The following TYK2 variants were observed in gnomAD, a reference collection of about 807,000 sequenced individuals.
TYK2 encodes non-receptor tyrosine-protein kinase TYK2.
In TYK2, 65 loss-of-function variants were observed where a neutral mutation model predicts 130.9. The ratio of observed to expected loss-of-function variants is 0.50; its 90% CI spans 0.41 to 0.61. The LOEUF (loss-of-function observed/expected upper bound fraction) is 0.61. TYK2 is among the 20% of genes least tolerant of loss of function. The pLI, the probability that TYK2 is intolerant of heterozygous loss-of-function variation, is 0.00. For synonymous variants in TYK2, 647 were observed against 658.9 expected (o/e 0.98, Z 0.28); for missense variants, 1,378 against 1,610.7 (o/e 0.86, Z 2.47).
At chr19:10,373,487 C>T (rs1320198730) in intron 3 of TYK2, among the ~76,000 whole-genome samples, 3 of 151,914 alleles carry the variant, frequency 2.0e-5, no homozygotes, top group Non-Finnish European at 4.4e-5. Flanking sequence ...TGCGTCACCA[C>T]GCCCAGCTAA....
chr19:10,358,094 G>A lies in TYK2; in HGVS notation c.2220C>T (p.Ile740=). The change falls in exon 16 of 25, where the codon ATC becomes ATT. Residue 740 remains isoleucine, a synonymous_variant. Transcript: ENST00000525621. ...LVHGNVCGRN[I]LLARLGLAEG... The stretch of plus-strand genomic sequence containing the variant: ...CTGCCAACCCCAGCCGGGCCAGCAG[G>A]ATGTTCCGGCCACACACATTACCAT... 1 of 1,612,388 alleles carries A rather than the reference G, an allele frequency of 6.2e-7. No individual in the cohort carries two copies. The highest frequency in any genetic ancestry group is 1.1e-5 in the South Asian group (1 of 90,874).
chr19:10,362,032 TC>T, intron 12 of TYK2, 45 bp downstream of exon 12: 1 of 1,612,310 alleles, frequency 6.2e-7, no homozygotes, highest in Non-Finnish European at 8.5e-7. Flanking sequence ...AGCACCCACA[TC>T]CCCAGGGGCC....
Position 10,353,444 on chromosome 19 carries a change from G to A in TYK2, c.3027+84C>T. The stretch of plus-strand genomic sequence containing the variant: ...GCAAACGAGCAGGGGCGGAGCGTGA[G>A]AGCAGACTGCACCGGATCGCTCAGG... On this transcript the variant is annotated intron_variant, in intron 21 of 24. Coordinates refer to ENST00000525621, the MANE Select transcript of TYK2 (RefSeq NM_003331.5). The surrounding 1 kb of genome is among the most constrained non-coding windows in gnomAD (Gnocchi z 6.9). 1.0e-6 allele frequency: 1 copy of A among 969,096 alleles called. No homozygotes were observed. Among genetic ancestry groups the A allele is most frequent in the South Asian group, 2.1e-5 (1 of 47,678 alleles). 60.0% of individuals were successfully genotyped at this position (969,096 alleles called of 1,614,324 possible).
At chr19:10,352,867 C>G in intron 22 of TYK2, 59 bp downstream of exon 22, 2 of 1,528,602 alleles carry the variant, frequency 1.3e-6, no homozygotes, top group Non-Finnish European at 1.8e-6. Context: ...TCCGTCTACT[C>G]CACCCTGCCT....
intron 18 of TYK2, 57 bp from the exon 19 acceptor site, chr19:10,354,666 C>G: frequency 6.9e-7 from 1 of 1,459,064 alleles, no homozygotes. Context: ...AGCAGGCCCA[C>G]ACTTGGGAGT....
chr19:10,377,553 T>A (rs1321118286), intron 3 of TYK2, among the ~76,000 whole-genome samples: 5 of 74,624 alleles, frequency 6.7e-5, no homozygotes, highest in Non-Finnish European at 1.0e-4. Flanking sequence ...GATGGGTGGG[T>A]GGGTGGATGG....
chr19:10,359,981 A>C (rs1246861093), intron 14 of TYK2, among the ~76,000 whole-genome samples: 2 of 151,620 alleles, frequency 1.3e-5, no homozygotes, highest in Non-Finnish European at 2.9e-5. Flanking sequence ...ATTGCACTCC[A>C]GCCTGGGCGA....
At chr19:10,377,515 AGTGGGTGGGTGG>A (rs2042175533) in intron 3 of TYK2, among the ~76,000 whole-genome samples, 1 of 9,034 alleles carries the variant, frequency 1.1e-4, no homozygotes, top group African/African-American at 4.8e-4. Flanking sequence ...TGAGTGGGTG[AGTGGGTGGGTGG>A]ATGGATGGAT....
chr19:10,350,565 G>A lies in TYK2; in HGVS notation c.*269C>T. The A allele has an allele frequency of 3.9e-6, 2 of 510,776 alleles. No individual in the cohort carries two copies. Among genetic ancestry groups the A allele is most frequent in the South Asian group, 4.5e-5 (2 of 44,528 alleles). The allele number at this position is 510,776 out of a possible 1,614,324, so 31.6% of individuals were successfully genotyped here. On this transcript the variant is annotated 3_prime_UTR_variant, in exon 25 of 25. Coordinates refer to ENST00000525621, the MANE Select transcript of TYK2 (RefSeq NM_003331.5). ...AACATGAGTTTATTACCAGATGGTG[G>A]AGATGGTGGGCCTCAAGTTTGGAAG... is the stretch of plus-strand genomic sequence containing the variant.
intron 3 of TYK2, among the ~76,000 whole-genome samples, chr19:10,373,293 C>T (rs1167557147): frequency 6.6e-6 from 1 of 151,924 alleles, no homozygotes; most frequent in Non-Finnish European, 1.5e-5. Flanking sequence ...CCGCCTTGGC[C>T]TCCCTAAGCG....
chr19:10,351,641 A>T (rs563386515), intron 23 of TYK2, among the ~76,000 whole-genome samples: 8 of 152,314 alleles, frequency 5.3e-5, no homozygotes, highest in African/African-American at 1.9e-4. Context: ...AACATCTGCC[A>T]CCTGGGATTA....
chr19:10,352,784 C>T, intron 22 of TYK2, 142 bp downstream of exon 22: 1 of 1,152,742 alleles, frequency 8.7e-7, no homozygotes, highest in Non-Finnish European at 1.2e-6. Flanking sequence ...CCCTTGCCTC[C>T]ATAGGCCCCA....
At chr19:10,360,658 G>A (rs1159365573) in intron 14 of TYK2, among the ~76,000 whole-genome samples, 2 of 151,490 alleles carry the variant, frequency 1.3e-5, no homozygotes, top group African/African-American at 4.9e-5. Flanking sequence ...CCAGGGTCCA[G>A]GGGAAAGTGG....
Position 10,378,889 on chromosome 19 carries a change from A to G in TYK2, c.-20-463T>C, listed in dbSNP as rs188192432. On this transcript the variant is annotated intron_variant, in intron 2 of 24. Coordinates refer to ENST00000525621, the MANE Select transcript of TYK2 (RefSeq NM_003331.5). The stretch of plus-strand genomic sequence containing the variant: ...TATCTTATCTTATCTTATTTTTGAG[A>G]CAGAGTTTCACTCTTGTTGCCCAGG... Among the ~76,000 whole-genome samples the G allele has an allele frequency of 2.0e-3, 290 of 146,656 alleles. 1 individual carries two copies. The highest frequency in any genetic ancestry group is 6.9e-3 in the Middle Eastern group (2 of 290).
chr19:10,365,127 A>C, intron 7 of TYK2, 79 bp from the exon 8 acceptor site: 1 of 1,451,036 alleles, frequency 6.9e-7, no homozygotes, highest in Non-Finnish European at 9.2e-7. Flanking sequence ...CTGGGGAGAG[A>C]CTGGAGCCAG....
Position 10,365,056 on chromosome 19 carries a change from C to A in TYK2, c.1012-8G>T. ...ACTGCTGCCACTAGAACCCTGAACA[C>A]CCAGCAAGTGGGGCAGAGGATGGAG... On this transcript the variant is annotated splice_polypyrimidine_tract_variant and splice_region_variant and intron_variant, in intron 7 of 24. Coordinates refer to ENST00000525621, the MANE Select transcript of TYK2 (RefSeq NM_003331.5). The A allele has an allele frequency of 6.3e-7, 1 of 1,599,790 alleles. No homozygotes were observed. The highest frequency in any genetic ancestry group is 8.5e-7 in the Non-Finnish European group (1 of 1,171,350).
Position 10,368,191 on chromosome 19 carries a change from C to T in TYK2, c.329G>A (p.Arg110Gln), listed in dbSNP as rs56090991. The T allele has an allele frequency of 3.2e-5, 51 of 1,613,958 alleles. No individual in the cohort carries two copies. The East Asian group carries it at 3.6e-4, about 11-fold the overall frequency. The change falls in exon 5 of 25, where the codon CGG becomes CAG. Residue 110 changes from arginine to glutamine, a missense_variant. Arg to Gln is a conservative substitution (Grantham distance 43). Transcript: ENST00000525621. The part of the protein sequence containing the change: ...MLYFRIRFYF[R>Q]NWHGMNPREP... ...CCGAGGATTCATGCCATGCCAGTTC[C>T]GGAAATAAAACCTGCAGGAAGGAGG...
At chr19:10,375,782 C>A (rs1165130242) in intron 3 of TYK2, among the ~76,000 whole-genome samples, 2 of 149,788 alleles carry the variant, frequency 1.3e-5, no homozygotes, top group Non-Finnish European at 3.0e-5. Flanking sequence ...AAAAATCTAG[C>A]CGGGCATGGT....
chr19:10,354,358 C>T, intron 19 of TYK2, 124 bp from the exon 20 acceptor site: 9 of 1,372,828 alleles, frequency 6.6e-6, no homozygotes, highest in East Asian at 2.4e-5. Flanking sequence ...CCGCCTACTC[C>T]GCTCTATTAA....
Sources: allele counts gnomAD v4.1 joint callset (sites outside exome capture counted in the v4.1 genomes callset), GRCh38; gene constraint gnomAD v4.1.1; non-coding constraint Gnocchi (gnomAD v3.1); transcripts MANE v1.5; gene names NCBI Gene and HGNC (gene_info 2026-07-23, HGNC 2026-07-21).